CNTN5: variants seen among roughly 807,000 people sequenced by gnomAD.
CNTN5 encodes contactin 5.
In CNTN5, 77 loss-of-function variants were observed where a neutral mutation model predicts 129.1. That is an observed-to-expected ratio of 0.60 (90% CI 0.50 to 0.72). CNTN5 has a LOEUF of 0.72. Among genes scored for constraint, CNTN5 ranks in the 30% least tolerant of loss-of-function variants. The pLI, the probability that CNTN5 is intolerant of heterozygous loss-of-function variation, is 0.00. For synonymous variants in CNTN5, 509 were observed against 465.6 expected (o/e 1.09, Z -1.20); for missense variants, 1,478 against 1,328.8 (o/e 1.11, Z -1.75).
At chr11:99,776,416 C>T (rs976142916) in intron 3 of CNTN5, among the ~76,000 whole-genome samples, 21 of 151,868 alleles carry the variant, frequency 1.4e-4, no homozygotes, top group African/African-American at 4.8e-4. Context: ...TCTCTAAAAG[C>T]ATTGCTTTCC....
At chr11:100,227,053 T>A (rs1014348520) in intron 16 of CNTN5, among the ~76,000 whole-genome samples, 6 of 152,024 alleles carry the variant, frequency 3.9e-5, no homozygotes, top group Non-Finnish European at 8.8e-5. Flanking sequence ...GAGATGGGAA[T>A]ATTAAAAACA....
intron 18 of CNTN5, among the ~76,000 whole-genome samples, chr11:100,279,434 A>G (rs144731341): frequency 1.3e-5 from 2 of 151,844 alleles, no homozygotes; most frequent in African/African-American, 4.8e-5. Context: ...GAAGCCATTG[A>G]GTCTGAGGCT....
At chr11:99,916,173 C>T (rs763590326) in intron 7 of CNTN5, 24 bp downstream of exon 7, 2 of 1,518,512 alleles carry the variant, frequency 1.3e-6, no homozygotes, top group South Asian at 2.3e-5. Flanking sequence ...TCATTCTTTG[C>T]TGCTGCTGCT....
At chr11:99,990,745 T>A (rs1227468742) in intron 8 of CNTN5, among the ~76,000 whole-genome samples, 1 of 152,174 alleles carries the variant, frequency 6.6e-6, no homozygotes, top group Non-Finnish European at 1.5e-5. Flanking sequence ...AAATAAGGCA[T>A]CTGGACATGT....
At chr11:99,678,967 CTATA>C (rs889322330) in intron 3 of CNTN5, among the ~76,000 whole-genome samples, 18 of 144,460 alleles carry the variant, frequency 1.2e-4, no homozygotes, top group African/African-American at 2.3e-4. Flanking sequence ...CTCTCTCTCT[CTATA>C]TATATATATA....
intron 3 of CNTN5, among the ~76,000 whole-genome samples, chr11:99,718,051 C>A (rs541291998): frequency 2.6e-5 from 4 of 152,080 alleles, no homozygotes; most frequent in Non-Finnish European, 5.9e-5. Flanking sequence ...AAATGCCAAA[C>A]TTTGCTGAAG....
At chr11:99,068,358 G>GAGAAGTGTC (rs1218115416) in intron 1 of CNTN5, among the ~76,000 whole-genome samples, 2 of 152,198 alleles carry the variant, frequency 1.3e-5, no homozygotes, top group Non-Finnish European at 1.5e-5. Context: ...TCCTCCCTGT[G>GAGAAGTGTC]AGAAGTGTCA....
At chr11:99,128,451 G>A (rs1024294265) in intron 1 of CNTN5, among the ~76,000 whole-genome samples, 3 of 147,338 alleles carry the variant, frequency 2.0e-5, no homozygotes, top group East Asian at 4.5e-4. Flanking sequence ...ATGAATTCCA[G>A]CAATTCCAGC....
chr11:99,130,806 C>G (rs1163742946), intron 1 of CNTN5, among the ~76,000 whole-genome samples: 1 of 152,066 alleles, frequency 6.6e-6, no homozygotes, highest in Non-Finnish European at 1.5e-5. Context: ...TATTAAGAAA[C>G]CAACTCAAAA....
At chr11:100,355,158 T>G (rs1294729532) in intron 24 of CNTN5, among the ~76,000 whole-genome samples, 1 of 151,852 alleles carries the variant, frequency 6.6e-6, no homozygotes, top group Non-Finnish European at 1.5e-5. Flanking sequence ...AAAAAACATT[T>G]TCTTTATATC....
At chr11:99,745,750 G>A (rs902137531) in intron 3 of CNTN5, among the ~76,000 whole-genome samples, 1 of 150,056 alleles carries the variant, frequency 6.7e-6, no homozygotes, top group African/African-American at 2.5e-5. Flanking sequence ...CAATTCAATA[G>A]TTAATTCATT....
intron 4 of CNTN5, among the ~76,000 whole-genome samples, chr11:99,835,882 A>G (rs762702670): frequency 1.4e-4 from 21 of 152,288 alleles, no homozygotes; most frequent in Non-Finnish European, 2.5e-4. Flanking sequence ...GTTTATCAGC[A>G]AGACTATGTA....
In CNTN5 at chr11:99,588,343, C is replaced by CA. The variant is rs149362368; in HGVS notation, c.55+32098dup. Among the ~76,000 whole-genome samples the CA allele has an allele frequency of 5.8e-3, 537 of 92,998 alleles. 17 individuals carry two copies. In the East Asian group the frequency reaches 0.099, roughly 17 times the overall value. The allele number at this position is 92,998 out of a possible 152,430, so 61.0% of individuals were successfully genotyped here. ...TGGGCGACAGAGCAAGACTCCTTCTCAAAAAAAAAAAAAAAAAAAAAAAAG... is the reference window on the plus strand; with the variant it reads ...TGGGCGACAGAGCAAGACTCCTTCTCAAAAAAAAAAAAAAAAAAAAAAAAAG... On this transcript the variant is annotated intron_variant, in intron 3 of 24. Transcript: ENST00000524871.
intron 9 of CNTN5, among the ~76,000 whole-genome samples, chr11:100,048,184 TC>T (rs1360497335): frequency 2.0e-5 from 3 of 152,116 alleles, no homozygotes; most frequent in African/African-American, 4.8e-5. Context: ...AGCTGGGACA[TC>T]CGTCTTCTCC....
intron 3 of CNTN5, among the ~76,000 whole-genome samples, chr11:99,601,814 G>T (rs1025886161): frequency 4.6e-5 from 7 of 152,134 alleles, no homozygotes; most frequent in African/African-American, 1.7e-4. Context: ...AGCCATAAAA[G>T]ACTGTGTATG....
chr11:99,984,124 T>A (rs549583605), intron 8 of CNTN5, among the ~76,000 whole-genome samples: 7 of 151,968 alleles, frequency 4.6e-5, no homozygotes, highest in East Asian at 1.9e-4. Context: ...ACACAAAAAA[T>A]TTTTTAGCTG....
intron 3 of CNTN5, among the ~76,000 whole-genome samples, chr11:99,755,833 T>A (rs1944388333): frequency 1.3e-5 from 2 of 152,116 alleles, no homozygotes; most frequent in Admixed American, 1.3e-4. Context: ...ACTGAAGAAG[T>A]ATATTTTTCA....
intron 2 of CNTN5, among the ~76,000 whole-genome samples, chr11:99,398,967 G>A (rs1941665280): frequency 6.6e-6 from 1 of 151,694 alleles, no homozygotes. Flanking sequence ...CATCCTTTCT[G>A]TCTCATATAC....
intron 3 of CNTN5, among the ~76,000 whole-genome samples, chr11:99,717,786 A>G (rs1353173530): frequency 6.6e-6 from 1 of 152,152 alleles, no homozygotes; most frequent in Non-Finnish European, 1.5e-5. Flanking sequence ...CATAACTTAC[A>G]TGGCACATAA....
Sources: allele counts gnomAD v4.1 joint callset (sites outside exome capture counted in the v4.1 genomes callset), GRCh38; gene constraint gnomAD v4.1.1; transcripts MANE v1.5; gene names NCBI Gene and HGNC (gene_info 2026-07-23, HGNC 2026-07-21).